The following JAKMIP3 variants were observed in gnomAD, a reference collection of about 807,000 sequenced individuals.
JAKMIP3 encodes the protein Janus kinase and microtubule interacting protein 3, also known as janus kinase and microtubule-interacting protein 3.
In JAKMIP3, 58 loss-of-function variants were observed where a neutral mutation model predicts 118.5. The ratio of observed to expected loss-of-function variants is 0.49; its 90% CI spans 0.40 to 0.61. JAKMIP3 has a LOEUF of 0.61. JAKMIP3 is among the 20% of genes least tolerant of loss of function. The probability of loss-of-function intolerance (pLI) is 0.00; values close to 1 mark genes in which losing one functional copy is unlikely to be tolerated. For synonymous variants in JAKMIP3, 486 were observed against 451.2 expected, an observed-to-expected ratio of 1.08 and a Z score of -0.98; for missense variants, 950 against 1,109.0, an observed-to-expected ratio of 0.86 and a Z score of 2.04.
In JAKMIP3 at chr10:132,112,514, A is replaced by G. The variant is rs1254128632; in HGVS notation, c.136-4563A>G. 6.6e-6 allele frequency among the ~76,000 whole-genome samples: 1 copy of G among 151,950 alleles called. No individual in the cohort carries two copies. The highest frequency in any genetic ancestry group is 1.5e-5 in the Non-Finnish European group (1 of 67,974). Reference sequence around the variant, plus strand: ...GAAGGGTCTCTTTTCCTGGTTCCTTATTTTGTTCAATTGTATTCTTTTCTT... The same window carrying G: ...GAAGGGTCTCTTTTCCTGGTTCCTTGTTTTGTTCAATTGTATTCTTTTCTT... On this transcript the variant is annotated intron_variant, in intron 2 of 23. Coordinates refer to ENST00000684848, the MANE Select transcript of JAKMIP3 (RefSeq NM_001323087.2). This position sits in a 1 kb window ranked among gnomAD's most constrained non-coding sequence, Gnocchi z 4.3.
chr10:132,161,262 CCTCTCCCTGTGTGATGCTGGGGTGGT>C (rs775202979), intron 19 of JAKMIP3, among the ~76,000 whole-genome samples: 166 of 3,348 alleles, frequency 0.05, 47 homozygotes, highest in Non-Finnish European at 0.062. Flanking sequence ...GCTGGGGGGG[CCTCTCCCTGTGTGATGCTGGGGTGGT>C]CTCTCCCTGT....
At chr10:132,038,877 T>C (rs2037611422) in intron 1 of JAKMIP3, among the ~76,000 whole-genome samples, 1 of 149,388 alleles carries the variant, frequency 6.7e-6, no homozygotes, top group African/African-American at 2.5e-5. Flanking sequence ...TGTTACGGGG[T>C]GTGGGTGTCC....
At chr10:132,060,948 G>A (rs978096384), upstream of JAKMIP3, among the ~76,000 whole-genome samples, 1 of 152,092 alleles carries the variant, frequency 6.6e-6, no homozygotes, top group South Asian at 2.1e-4. Context: ...TGAACCAGGG[G>A]TGGTGGGGGA....
rs1262889146 is a variant in JAKMIP3 at position 132,180,742 on chromosome 10, C to CGTGTGT, written c.*1104-1612_*1104-1611insTGTGTG. ...GTGCGTGTGTGTGCGTGTGTGCGTG[C>CGTGTGT]GTGCGCGCGCGTGTGTGCGTGTGTG... On this transcript the variant is annotated intron_variant, in intron 23 of 23. Transcript: ENST00000684848. 3.4e-3 allele frequency among the ~76,000 whole-genome samples: 30 copies of CGTGTGT among 8,708 alleles called. 10 individuals carry two copies. Among genetic ancestry groups the CGTGTGT allele is most frequent in the African/African-American group, 0.016 (27 of 1,722 alleles). 5.7% of individuals were successfully genotyped at this position (8,708 alleles called of 152,430 possible). A position where few individuals can be genotyped will look rare whatever the true frequency, so the allele number is the denominator to read the frequency against.
At chr10:132,150,586 C>A (rs1484504222) in intron 16 of JAKMIP3, among the ~76,000 whole-genome samples, 1 of 152,182 alleles carries the variant, frequency 6.6e-6, no homozygotes, top group East Asian at 1.9e-4. Flanking sequence ...CTACCTAGCC[C>A]TTCATTCATG....
In JAKMIP3 at chr10:132,184,121, T is replaced by G. The variant is rs1325519645; in HGVS notation, c.*2868T>G. On this transcript the variant is annotated 3_prime_UTR_variant, in exon 24 of 24. Coordinates refer to ENST00000684848, the MANE Select transcript of JAKMIP3 (RefSeq NM_001323087.2). ...TCTGTGTTCAACACACAGAACAACA[T>G]AGATACTTTAGTTTGTCTAAAGTAA... 6.6e-6 allele frequency: 1 copy of G among 152,200 alleles called. No individual in the cohort carries two copies. Among genetic ancestry groups the G allele is most frequent in the East Asian group, 1.9e-4 (1 of 5,202 alleles). The allele number at this position is 152,200 out of a possible 1,614,324, so 9.4% of individuals were successfully genotyped here. A position where few individuals can be genotyped will look rare whatever the true frequency, so the allele number is the denominator to read the frequency against.
At chr10:132,137,661 G>A (rs925598593) in intron 8 of JAKMIP3, among the ~76,000 whole-genome samples, 38 of 152,320 alleles carry the variant, frequency 2.5e-4, no homozygotes, top group African/African-American at 8.4e-4. Flanking sequence ...TCACCATCAC[G>A]GCCATGAAAC....
At chr10:132,072,199 C>T (rs2040076179) in intron 1 of JAKMIP3, among the ~76,000 whole-genome samples, 1 of 152,078 alleles carries the variant, frequency 6.6e-6, no homozygotes, top group East Asian at 1.9e-4. Context: ...AGCCACCACA[C>T]CTGGCCTAAA....
Position 132,168,589 on chromosome 10 carries a change from G to A in JAKMIP3, c.*659G>A, listed in dbSNP as rs2059173732. On this transcript the variant is annotated 3_prime_UTR_variant, in exon 23 of 24. Coordinates refer to ENST00000684848, the MANE Select transcript of JAKMIP3 (RefSeq NM_001323087.2). ...ATCATCTCTGTGGGGACAGACAAGA[G>A]CCGTGGCCGCCGCGGGCCGCGTGGT... The A allele has an allele frequency of 2.7e-6, 1 of 365,546 alleles. No individual in the cohort carries two copies. The highest frequency in any genetic ancestry group is 4.0e-5 in the Admixed American group (1 of 25,008). The allele number at this position is 365,546 out of a possible 1,614,324, so 22.6% of individuals were successfully genotyped here. A position where few individuals can be genotyped will look rare whatever the true frequency, so the allele number is the denominator to read the frequency against.
At chr10:132,088,596 T>C (rs1484990106) in intron 1 of JAKMIP3, among the ~76,000 whole-genome samples, 1 of 152,246 alleles carries the variant, frequency 6.6e-6, no homozygotes, top group Non-Finnish European at 1.5e-5. Flanking sequence ...CTTTGTAGAT[T>C]CTGAATATTA....
chr10:132,180,844 T>C (rs1303227594), intron 23 of JAKMIP3, among the ~76,000 whole-genome samples: 3 of 151,190 alleles, frequency 2.0e-5, no homozygotes, highest in Admixed American at 2.0e-4. Flanking sequence ...ATCGTGTGCA[T>C]GTGTGTGCTG....
chr10:132,140,234 C>T (rs908674513), intron 9 of JAKMIP3, among the ~76,000 whole-genome samples: 4 of 152,232 alleles, frequency 2.6e-5, no homozygotes, highest in African/African-American at 7.2e-5. Flanking sequence ...CGCTCACCCA[C>T]GGGACTCCAG....
intron 1 of JAKMIP3, among the ~76,000 whole-genome samples, chr10:132,073,361 A>G (rs919556118): frequency 1.3e-5 from 2 of 151,072 alleles, no homozygotes; most frequent in African/African-American, 2.4e-5. Context: ...AATTTTTTGT[A>G]TTTTCAGTAG....
chr10:132,142,134 T>A lies in JAKMIP3; in HGVS notation c.1602+86T>A, dbSNP rs534263171. On this transcript the variant is annotated intron_variant, in intron 11 of 23. Coordinates refer to ENST00000684848, the MANE Select transcript of JAKMIP3 (RefSeq NM_001323087.2). Reference sequence around the variant, plus strand: ...GCCTGGGCTGGGACACCCCCCTCACTAGCCCTCCTGGGCCCGGGCCCCTCC... The same window carrying A: ...GCCTGGGCTGGGACACCCCCCTCACAAGCCCTCCTGGGCCCGGGCCCCTCC... 2.8e-5 allele frequency: 39 copies of A among 1,412,304 alleles called. No individual in the cohort carries two copies. The African/African-American group carries it at 4.8e-4, about 17-fold the overall frequency. The allele number at this position is 1,412,304 out of a possible 1,614,324, so 87.5% of individuals were successfully genotyped here.
chr10:132,044,278 C>T lies in JAKMIP3; in HGVS notation c.-138+7540C>T, dbSNP rs2037845150. On this transcript the variant is annotated intron_variant, in intron 1 of 23. Transcript: ENST00000657785. The surrounding 1 kb of genome is among the most constrained non-coding windows in gnomAD (Gnocchi z 5.3). Reference sequence around the variant, plus strand: ...TCCTGGTCCAGGCATCGTGGACCTCCCTGGGGTGAGTAGTCAACACAGACA... The same window carrying T: ...TCCTGGTCCAGGCATCGTGGACCTCTCTGGGGTGAGTAGTCAACACAGACA... 6.6e-6 allele frequency among the ~76,000 whole-genome samples: 1 copy of T among 152,196 alleles called. No individual in the cohort carries two copies.
chr10:132,129,104 T>G (rs2135590312), intron 3 of JAKMIP3, among the ~76,000 whole-genome samples: 1 of 152,316 alleles, frequency 6.6e-6, no homozygotes, highest in South Asian at 2.1e-4. Flanking sequence ...TAGAGAATGT[T>G]GAGTTTTGTT....
chr10:132,089,417 C>T (rs947087948), intron 1 of JAKMIP3, among the ~76,000 whole-genome samples: 1 of 152,134 alleles, frequency 6.6e-6, no homozygotes, highest in African/African-American at 2.4e-5. Flanking sequence ...TTGAAGAGGT[C>T]CTTCACATCC....
At chr10:132,084,587 C>G (rs1452697483) in intron 1 of JAKMIP3, among the ~76,000 whole-genome samples, 1 of 152,052 alleles carries the variant, frequency 6.6e-6, no homozygotes, top group Non-Finnish European at 1.5e-5. Flanking sequence ...GAGAAGTGCT[C>G]TGGCTGGGAC....
At chr10:132,091,229 GT>G (rs1329678019) in intron 1 of JAKMIP3, among the ~76,000 whole-genome samples, 1 of 152,168 alleles carries the variant, frequency 6.6e-6, no homozygotes, top group Non-Finnish European at 1.5e-5. Flanking sequence ...TAAGTGTGAT[GT>G]GGTGCTGAGA....
Sources: gnomAD v4.1 joint callset for allele counts (sites outside exome capture counted in the v4.1 genomes callset) on GRCh38, gnomAD v4.1.1 for gene constraint, Gnocchi (gnomAD v3.1) non-coding constraint, MANE v1.5 for transcripts, NCBI Gene and HGNC (gene_info 2026-07-23, HGNC 2026-07-21) for gene names.